BRCA2: variants seen among roughly 807,000 people sequenced by gnomAD.
BRCA2 encodes the protein BRCA2 DNA repair associated.
A neutral mutation model predicts 276.7 loss-of-function variants in BRCA2; 203 were observed. That is an observed-to-expected ratio of 0.73 (90% CI 0.65 to 0.82). The LOEUF (loss-of-function observed/expected upper bound fraction) is 0.82, where lower values mean the gene tolerates loss of function less well. Ranked by LOEUF, BRCA2 falls within the 40% of genes least tolerant of loss-of-function variation. BRCA2 has a pLI of 0.00. For synonymous variants in BRCA2, 1,289 were observed against 1,338.4 expected (o/e 0.96, Z 0.81); for missense variants, 3,920 against 3,915.0 (o/e 1.00, Z -0.03).
intron 24 of BRCA2, 140 bp from the exon 25 acceptor site, chr13:32,394,549 C>T (rs922856356): frequency 1.0e-5 from 11 of 1,105,390 alleles, no homozygotes; most frequent in Admixed American, 2.8e-5. Context: ...CCTGAGCTTT[C>T]GCCAAATTCA....
chr13:32,352,700 C>G (rs889077695), intron 13 of BRCA2, among the ~76,000 whole-genome samples: 8 of 152,080 alleles, frequency 5.3e-5, no homozygotes, highest in Non-Finnish European at 1.2e-4. Flanking sequence ...TAAGTTGAAA[C>G]CTAGGTAGGT....
chr13:32,350,732 G>A (rs988986886), intron 13 of BRCA2, among the ~76,000 whole-genome samples: 3 of 151,658 alleles, frequency 2.0e-5, no homozygotes, highest in East Asian at 1.9e-4. Flanking sequence ...CAGCCTGGGC[G>A]AGAGAGCGAG....
In BRCA2 at chr13:32,364,164, C is replaced by G. The variant is rs866639332; in HGVS notation, c.8331+631C>G. Reference sequence around the variant, plus strand: ...TTGCTTTTTACTGAAAGCATTCCATCAAGCTGAAACAGTCTTTTGTTTTAT... The same window carrying G: ...TTGCTTTTTACTGAAAGCATTCCATGAAGCTGAAACAGTCTTTTGTTTTAT... On this transcript the variant is annotated intron_variant, in intron 18 of 26. Transcript: ENST00000380152. Among the ~76,000 whole-genome samples the G allele has an allele frequency of 2.0e-5, 3 of 152,244 alleles. No individual in the cohort carries two copies. The South Asian group carries it at 6.2e-4, about 32-fold the overall frequency.
Position 32,319,224 on chromosome 13 carries a change from A to G in BRCA2, c.215A>G (p.Asn72Ser), listed in dbSNP as rs276174818. ...FKTPQRKPSYNQLASTPIIFK... is the reference protein window; with the variant it reads ...FKTPQRKPSYSQLASTPIIFK... ...ACTCCACAAAGGAAACCATCTTATAATCAGCTGGCTTCAACTCCAATAATA... is the reference window on the plus strand; with the variant it reads ...ACTCCACAAAGGAAACCATCTTATAGTCAGCTGGCTTCAACTCCAATAATA... The change falls in exon 3 of 27, where the codon AAT becomes AGT. Residue 72 changes from asparagine to serine, a missense_variant. Transcript: ENST00000380152. The G allele has an allele frequency of 9.3e-6, 15 of 1,613,762 alleles. No homozygotes were observed. The East Asian group carries it at 3.3e-4, about 36-fold the overall frequency.
At chr13:32,357,598 CTT>C in intron 15 of BRCA2, 142 bp from the exon 16 acceptor site, 1 of 772,036 alleles carries the variant, frequency 1.3e-6, no homozygotes, top group Non-Finnish European at 2.0e-6. Context: ...TAGTAAATAA[CTT>C]AAATGTTTTT....
At chr13:32,344,924 G>A (rs2072601142) in intron 12 of BRCA2, among the ~76,000 whole-genome samples, 1 of 152,152 alleles carries the variant, frequency 6.6e-6, no homozygotes, top group African/African-American at 2.4e-5. Flanking sequence ...TCATTTGGAA[G>A]ATATGAGTTC....
intron 3 of BRCA2, among the ~76,000 whole-genome samples, chr13:32,320,994 A>G (rs1360287460): frequency 1.3e-5 from 2 of 152,164 alleles, no homozygotes; most frequent in Non-Finnish European, 2.9e-5. Context: ...ATCCCTATAG[A>G]AAGAGAAAAC....
rs1566234950 is a variant in BRCA2 at position 32,340,935 on chromosome 13, A to G, written c.6580A>G (p.Ile2194Val). Residue 2194 changes from isoleucine (I) to valine (V), a missense_variant, in exon 11 of 27, where the codon ATT becomes GTT. Physicochemically the swap from Ile to Val is conservative, Grantham distance 29. Coordinates refer to ENST00000380152, the MANE Select transcript of BRCA2 (RefSeq NM_000059.4). ...TTCACCTAAAAACGTAAAAATGGAA[A>G]TTGGTAAAACTGAAACTTTTTCTGA... ...QASPKNVKME[I>V]GKTETFSDVP... 1 of 1,610,560 alleles carries G rather than the reference A, an allele frequency of 6.2e-7. No individual in the cohort carries two copies. The highest frequency in any genetic ancestry group is 8.5e-7 in the Non-Finnish European group (1 of 1,179,228).
intron 2 of BRCA2, among the ~76,000 whole-genome samples, chr13:32,318,349 G>GA (rs1188779499): frequency 6.6e-6 from 1 of 152,134 alleles, no homozygotes; most frequent in Non-Finnish European, 1.5e-5. Context: ...TTTTATGTGA[G>GA]AGTCCACATG....
intron 7 of BRCA2, 140 bp from the exon 8 acceptor site, chr13:32,329,303 A>T (rs533485220): frequency 3.2e-6 from 2 of 623,546 alleles, no homozygotes; most frequent in Non-Finnish European, 5.8e-6. Flanking sequence ...TAATTACTAT[A>T]CTTAAGTACT....
rs1801439 is a variant in BRCA2, at chr13:32,332,843, A to G, written c.1365A>G (p.Ser455=). 67,606 of 1,611,544 alleles carry G rather than the reference A, an allele frequency of 0.042. 2,184 individuals carry two copies. The highest frequency in any genetic ancestry group is 0.12 in the East Asian group (5,236 of 44,860). ...CACGTATTTCTAGCCTACCAAAATC[A>G]GAGAAGCCATTAAATGAGGAAACAG... The part of the protein sequence containing the change: ...SLPRISSLPK[S]EKPLNEETVV... The change falls in exon 10 of 27, where the codon TCA becomes TCG. Residue 455 remains serine (S), a synonymous_variant. Coordinates refer to ENST00000380152, the MANE Select transcript of BRCA2 (RefSeq NM_000059.4).
chr13:32,386,368 A>T (rs1471370070), intron 24 of BRCA2, among the ~76,000 whole-genome samples: 3 of 152,174 alleles, frequency 2.0e-5, no homozygotes, highest in Non-Finnish European at 4.4e-5. Context: ...AGATCGCACC[A>T]CTGCACTCCA....
rs368576266 is a variant in BRCA2 at position 32,379,883 on chromosome 13, G to T, written c.9087G>T (p.Ala3029=). 1.9e-6 allele frequency: 3 copies of T among 1,613,352 alleles called. No individual in the cohort carries two copies. In the South Asian group the frequency reaches 3.3e-5, roughly 18 times the overall value. Residue 3029 remains alanine (A), a synonymous_variant, in exon 23 of 27, where the codon GCG becomes GCT. Coordinates refer to ENST00000380152, the MANE Select transcript of BRCA2 (RefSeq NM_000059.4). ...KSERANIQLA[A]TKKTQYQQLP... ...AAAGAGCTAACATACAGTTAGCAGC[G>T]ACAAAAAAAACTCAGTATCAACAAC...
Position 32,332,883 on chromosome 13 carries a change from G to C in BRCA2, c.1405G>C (p.Asp469His), listed in dbSNP as rs398122727. Residue 469 changes from aspartate (D) to histidine (H), a missense_variant, in exon 10 of 27, where the codon GAT becomes CAT. Around this residue, in one of 2 missense-constraint regions of BRCA2, gnomAD observed 3,263 missense variants for 3,156.9 expected, o/e 1.03. Coordinates refer to ENST00000380152, the MANE Select transcript of BRCA2 (RefSeq NM_000059.4). ...LNEETVVNKR[D>H]EEQHLESHTD... ...TGAGGAAACAGTGGTAAATAAGAGA[G>C]ATGAAGAGCAGCATCTTGAATCTCA... is the stretch of plus-strand genomic sequence containing the variant. 6.2e-7 allele frequency: 1 copy of C among 1,611,150 alleles called. No individual in the cohort carries two copies. The highest frequency in any genetic ancestry group is 8.5e-7 in the Non-Finnish European group (1 of 1,179,366).
intron 9 of BRCA2, among the ~76,000 whole-genome samples, chr13:32,331,282 G>A (rs925555332): frequency 2.6e-5 from 4 of 152,076 alleles, no homozygotes; most frequent in East Asian, 1.9e-4. Flanking sequence ...AAATGGTCGT[G>A]AGCCACCATG....
rs1057520563 is a variant in BRCA2, at chr13:32,355,200, T to C, written c.7347T>C (p.Ile2449=). 6.2e-7 allele frequency: 1 copy of C among 1,613,502 alleles called. No individual in the cohort carries two copies. Among genetic ancestry groups the C allele is most frequent in the Non-Finnish European group, 8.5e-7 (1 of 1,179,544 alleles). Residue 2449 remains isoleucine, a synonymous_variant, in exon 14 of 27, where the codon ATT becomes ATC. Transcript: ENST00000380152. ...GHGSDDSKNK[I]NDNEIHQFNK... ...GCTCTGATGATAGTAAAAATAAGAT[T>C]AATGACAATGAGATTCATCAGTTTA... is the stretch of plus-strand genomic sequence containing the variant.
rs1159104528 is a variant in BRCA2, at chr13:32,338,183, AAATCAT to A, written c.3832_3837del (p.His1278_Asn1279del). The stretch of plus-strand genomic sequence containing the variant: ...CTGTTGTTTCAATGTTTAAGATAGA[AAATCAT>A]AATGATAAAACTGTAAGTGAAAAAA... On this transcript the variant is annotated inframe_deletion, in exon 11 of 27. Coordinates refer to ENST00000380152, the MANE Select transcript of BRCA2 (RefSeq NM_000059.4). The A allele has an allele frequency of 6.4e-7, 1 of 1,568,880 alleles. No homozygotes were observed. Among genetic ancestry groups the A allele is most frequent in the African/African-American group, 1.4e-5 (1 of 72,864 alleles).
rs149565664 is a variant in BRCA2 at position 32,329,491 on chromosome 13, C to T, written c.680C>T (p.Ala227Val). 3 of 1,593,224 alleles carry T rather than the reference C, an allele frequency of 1.9e-6. No individual in the cohort carries two copies. The African/African-American group carries it at 4.0e-5, about 21-fold the overall frequency. ...ACTGTATTTCCTCATGATACTACTG[C>T]TGTAAGTAAATATGACATTGATTAG... Reference protein sequence around the residue: ...SETVFPHDTTANVKSYFSNHD... With the variant: ...SETVFPHDTTVNVKSYFSNHD... The change falls in exon 8 of 27, where the codon GCT (alanine) becomes GTT (valine). Residue 227 changes from alanine to valine, a missense_variant and splice_region_variant. This residue lies in a region of BRCA2 where 3,263 missense variants were observed against 3,156.9 expected (regional missense o/e 1.03). Transcript: ENST00000380152.
chr13:32,328,324 C>T (rs978916783), intron 7 of BRCA2, among the ~76,000 whole-genome samples: 22 of 151,780 alleles, frequency 1.4e-4, no homozygotes, highest in African/African-American at 5.1e-4. Context: ...TCACAGCAAC[C>T]TCTGCCTTCT....
Sources: allele counts gnomAD v4.1 joint callset (sites outside exome capture counted in the v4.1 genomes callset), GRCh38; gene constraint gnomAD v4.1.1; regional missense constraint gnomAD v4.1.1; transcripts MANE v1.5; gene names NCBI Gene and HGNC (gene_info 2026-07-23, HGNC 2026-07-21).